PBX3: variants seen among roughly 807,000 people sequenced by gnomAD.
PBX3 encodes the protein pre-B-cell leukemia transcription factor 3.
Under a neutral mutation model 48.5 loss-of-function variants are expected in PBX3, and 14 were observed. The observed-to-expected ratio is 0.29, with a 90% CI of 0.19 to 0.45. The LOEUF is 0.45. Among genes scored for constraint, PBX3 ranks in the 20% least tolerant of loss-of-function variants. PBX3 has a pLI of 1.00. For synonymous variants in PBX3, 210 were observed against 200.3 expected, an observed-to-expected ratio of 1.05 and a Z score of -0.41; for missense variants, 386 against 546.7, an observed-to-expected ratio of 0.71 and a Z score of 2.93.
chr9:125,776,166 T>C (rs559751100), intron 2 of PBX3, among the ~76,000 whole-genome samples: 24 of 152,366 alleles, frequency 1.6e-4, no homozygotes, highest in African/African-American at 5.8e-4. Flanking sequence ...TCTTGTCTTA[T>C]TCTTAATATT....
chr9:125,809,428 ATT>A (rs58140229), intron 2 of PBX3, among the ~76,000 whole-genome samples: 14 of 136,830 alleles, frequency 1.0e-4, no homozygotes, highest in Admixed American at 2.2e-4. Context: ...CTCAATGCTG[ATT>A]TTTTTTTTTT....
chr9:125,795,758 A>C (rs191383205), intron 2 of PBX3, among the ~76,000 whole-genome samples: 6 of 152,332 alleles, frequency 3.9e-5, no homozygotes, highest in Admixed American at 1.3e-4. Flanking sequence ...TGGAAGATTT[A>C]AAAATAAAAT....
chr9:125,947,176 T>C (rs1271557369), intron 5 of PBX3, among the ~76,000 whole-genome samples: 1 of 152,108 alleles, frequency 6.6e-6, no homozygotes, highest in African/African-American at 2.4e-5. Context: ...ATACAAAAAA[T>C]GTGTTTTCAG....
At chr9:125,834,790 T>C (rs188346206) in intron 2 of PBX3, among the ~76,000 whole-genome samples, 3,824 of 148,980 alleles carry the variant, frequency 0.026, 66 homozygotes, top group Middle Eastern at 0.052. Flanking sequence ...CTGAGGTGGG[T>C]GGATCACCTG....
chr9:125,831,013 T>C (rs975403176), intron 2 of PBX3, among the ~76,000 whole-genome samples: 5 of 152,206 alleles, frequency 3.3e-5, no homozygotes, highest in East Asian at 1.9e-4. Context: ...TTCACATTCC[T>C]TCCTCCTGCC....
At chr9:125,926,430 G>A (rs371807927) in intron 3 of PBX3, among the ~76,000 whole-genome samples, 6 of 152,246 alleles carry the variant, frequency 3.9e-5, no homozygotes, top group East Asian at 3.9e-4. Context: ...TGAGGCACGG[G>A]AATCACTCAA....
chr9:125,748,217 G>A, intron 1 of PBX3: 1 of 1,011,084 alleles, frequency 9.9e-7, no homozygotes. Context: ...AGGAGCGGAC[G>A]CGGGAGCCCC....
At chr9:125,859,549 A>T (rs1160504565) in intron 2 of PBX3, among the ~76,000 whole-genome samples, 1 of 152,216 alleles carries the variant, frequency 6.6e-6, no homozygotes, top group Non-Finnish European at 1.5e-5. Context: ...CATTTTATAG[A>T]TGAGAAAACT....
At chr9:125,748,704 G>T in intron 2 of PBX3, 81 bp downstream of exon 2, 4 of 1,041,596 alleles carry the variant, frequency 3.8e-6, no homozygotes, top group Middle Eastern at 2.5e-4. Flanking sequence ...CCAGTTGAGA[G>T]CTGCTGCTTT....
At chr9:125,843,454 G>T (rs1302597991) in intron 2 of PBX3, among the ~76,000 whole-genome samples, 2 of 151,932 alleles carry the variant, frequency 1.3e-5, no homozygotes, top group Non-Finnish European at 2.9e-5. Context: ...TTTTCCTATT[G>T]TCTGTATTTC....
intron 2 of PBX3, among the ~76,000 whole-genome samples, chr9:125,808,953 C>T (rs1434969758): frequency 1.3e-5 from 2 of 152,138 alleles, no homozygotes; most frequent in African/African-American, 2.4e-5. Context: ...CCTTCTTGTC[C>T]TTAGGAACAC....
chr9:125,840,464 T>C lies in PBX3; in HGVS notation c.275-75222T>C, dbSNP rs117200501. Among the ~76,000 whole-genome samples, 104 of 151,336 alleles carry C rather than the reference T, an allele frequency of 6.9e-4. 1 individual carries two copies. The East Asian group carries it at 0.017, about 24-fold the overall frequency. ...CCTTTTCTGCTTGGCTTTTATATTA[T>C]TACTTATATATGCTTCTAGAAGTTT... is the stretch of plus-strand genomic sequence containing the variant. On this transcript the variant is annotated intron_variant, in intron 2 of 8. Coordinates refer to ENST00000373489, the MANE Select transcript of PBX3 (RefSeq NM_006195.6).
At chr9:125,914,479 A>G (rs959330798) in intron 2 of PBX3, among the ~76,000 whole-genome samples, 2 of 152,230 alleles carry the variant, frequency 1.3e-5, no homozygotes, top group African/African-American at 2.4e-5. Flanking sequence ...AATTGACGGT[A>G]GCTTTAGGTT....
intron 2 of PBX3, among the ~76,000 whole-genome samples, chr9:125,848,112 T>C (rs922774104): frequency 1.3e-4 from 20 of 152,000 alleles, no homozygotes; most frequent in African/African-American, 4.8e-4. Context: ...AATATTTCCA[T>C]CTCTGCTTTA....
intron 3 of PBX3, among the ~76,000 whole-genome samples, chr9:125,919,071 T>C (rs1311955991): frequency 6.6e-6 from 1 of 152,220 alleles, no homozygotes; most frequent in African/African-American, 2.4e-5. Context: ...AATCAGTTTC[T>C]GAAAATGTCT....
chr9:125,793,357 G>GGAAAAA (rs1443557451), intron 2 of PBX3, among the ~76,000 whole-genome samples: 2 of 109,068 alleles, frequency 1.8e-5, no homozygotes, highest in African/African-American at 7.9e-5. Flanking sequence ...ATTTGGGGGG[G>GGAAAAA]AAAAAAAAAA....
At chr9:125,896,789 G>C (rs1488266125) in intron 2 of PBX3, among the ~76,000 whole-genome samples, 1 of 151,956 alleles carries the variant, frequency 6.6e-6, no homozygotes, top group Non-Finnish European at 1.5e-5. Flanking sequence ...GCAGAGTGAG[G>C]TAGAGGAGGT....
Position 125,928,527 on chromosome 9 carries a change from G to A in PBX3, c.517-1128G>A, listed in dbSNP as rs933481854. Among the ~76,000 whole-genome samples the A allele has an allele frequency of 6.6e-5, 10 of 151,208 alleles. No individual in the cohort carries two copies. The South Asian group carries it at 1.3e-3, about 19-fold the overall frequency. On this transcript the variant is annotated intron_variant, in intron 3 of 8. Transcript: ENST00000373489. ...GTTGCCCAGGCTGGAGTGCAGTGGC[G>A]CGATCTCGGCTCACTGCAAGCTCCA...
intron 2 of PBX3, among the ~76,000 whole-genome samples, chr9:125,808,528 T>A (rs1412588995): frequency 1.3e-5 from 2 of 151,972 alleles, no homozygotes; most frequent in Non-Finnish European, 2.9e-5. Flanking sequence ...TAGCCAGGTG[T>A]GGTGGCATGC....
Sources: allele counts gnomAD v4.1 joint callset (sites outside exome capture counted in the v4.1 genomes callset), GRCh38; gene constraint gnomAD v4.1.1; transcripts MANE v1.5; gene names NCBI Gene and HGNC (gene_info 2026-07-23, HGNC 2026-07-21).